The following TPO variants were observed in gnomAD, a reference collection of about 807,000 sequenced individuals.
TPO encodes the protein thyroid microsomal antigen.
A neutral mutation model predicts 96.9 loss-of-function variants in TPO; 78 were observed. The observed-to-expected ratio is 0.81, with a 90% confidence interval of 0.67 to 0.97. The LOEUF is 0.97. Among genes scored for constraint, TPO ranks in the 50% least tolerant of loss-of-function variants. The probability of loss-of-function intolerance (pLI) is 0.00; values close to 1 mark genes in which losing one functional copy is unlikely to be tolerated. For synonymous variants in TPO, 547 were observed against 538.0 expected, an observed-to-expected ratio of 1.02 and a Z score of -0.23; for missense variants, 1,252 against 1,274.8, an observed-to-expected ratio of 0.98 and a Z score of 0.27.
intron 7 of TPO, among the ~76,000 whole-genome samples, chr2:1,462,489 AG>A (rs1344857521): frequency 2.7e-5 from 4 of 150,466 alleles, no homozygotes; most frequent in South Asian, 2.1e-4. Flanking sequence ...GAAAATTACA[AG>A]AAAACCCAAA....
At chr2:1,493,368 T>G (rs1232169289) in intron 10 of TPO, among the ~76,000 whole-genome samples, 1 of 152,166 alleles carries the variant, frequency 6.6e-6, no homozygotes, top group Non-Finnish European at 1.5e-5. Context: ...GACTCAGCAT[T>G]CTTGCTGTCT....
intron 7 of TPO, among the ~76,000 whole-genome samples, chr2:1,475,128 C>G (rs1669773157): frequency 1.3e-5 from 2 of 152,198 alleles, no homozygotes; most frequent in Non-Finnish European, 2.9e-5. Context: ...TCTTAAGAGT[C>G]TCTTTGAATC....
At chr2:1,527,075 G>A (rs1329300860) in intron 15 of TPO, among the ~76,000 whole-genome samples, 1 of 101,850 alleles carries the variant, frequency 9.8e-6, no homozygotes, top group Admixed American at 1.4e-4. Context: ...CCCTCACTGT[G>A]TGCCACCTCC....
intron 1 of TPO, among the ~76,000 whole-genome samples, chr2:1,405,630 T>C (rs1436475720): frequency 6.6e-6 from 1 of 152,120 alleles, no homozygotes; most frequent in Non-Finnish European, 1.5e-5. Context: ...GCTTGTCAGG[T>C]GCCCTCTTCT....
intron 15 of TPO, among the ~76,000 whole-genome samples, chr2:1,519,951 A>C (rs1391734226): frequency 3.3e-5 from 5 of 152,166 alleles, no homozygotes; most frequent in Non-Finnish European, 5.9e-5. Flanking sequence ...GCTATAGTTG[A>C]TTTTAGACTC....
At chr2:1,509,706 C>A (rs982249625) in intron 14 of TPO, among the ~76,000 whole-genome samples, 1 of 150,744 alleles carries the variant, frequency 6.6e-6, no homozygotes, top group South Asian at 2.1e-4. Context: ...GGCACACCCC[C>A]CTTCTTCTGT....
intron 7 of TPO, among the ~76,000 whole-genome samples, chr2:1,462,517 A>AACACACACACACACAC (rs35553172): frequency 7.6e-6 from 1 of 131,586 alleles, no homozygotes; most frequent in African/African-American, 3.3e-5. Context: ...TGTGTAGGTA[A>AACACACACACACACAC]ACACACACAC....
intron 5 of TPO, among the ~76,000 whole-genome samples, chr2:1,452,838 T>C (rs1270764714): frequency 6.6e-6 from 1 of 152,244 alleles, no homozygotes; most frequent in Non-Finnish European, 1.5e-5. Flanking sequence ...CAAGTGACTG[T>C]TAATTGTGCC....
intron 2 of TPO, 29 bp from the exon 3 acceptor site, chr2:1,423,016 C>CTT: frequency 6.2e-7 from 1 of 1,609,740 alleles, no homozygotes; most frequent in Non-Finnish European, 8.5e-7. Flanking sequence ...TGTCATTGCG[C>CTT]TTTGACTGTG....
intron 1 of TPO, among the ~76,000 whole-genome samples, chr2:1,399,963 C>G (rs1047208889): frequency 6.6e-6 from 1 of 152,218 alleles, no homozygotes; most frequent in African/African-American, 2.4e-5. Flanking sequence ...AGCTGCCACC[C>G]ATGGCCGCCA....
At chr2:1,469,034 G>A (rs1049262717) in intron 7 of TPO, among the ~76,000 whole-genome samples, 2 of 152,162 alleles carry the variant, frequency 1.3e-5, no homozygotes, top group African/African-American at 4.8e-5. Context: ...TTCTCTGAGT[G>A]TGTCCAATGT....
At chr2:1,505,054 G>T (rs1446606328) in intron 14 of TPO, among the ~76,000 whole-genome samples, 1 of 152,206 alleles carries the variant, frequency 6.6e-6, no homozygotes, top group Non-Finnish European at 1.5e-5. Flanking sequence ...GATTCTTGCT[G>T]AAACTCAGCT....
chr2:1,461,017 T>C (rs1233110669), intron 7 of TPO, among the ~76,000 whole-genome samples: 4 of 152,138 alleles, frequency 2.6e-5, no homozygotes, highest in Admixed American at 6.5e-5. Flanking sequence ...GCGGCTGCTA[T>C]TGGGGTAATT....
intron 7 of TPO, among the ~76,000 whole-genome samples, chr2:1,458,261 TG>T (rs1457109526): frequency 1.3e-5 from 2 of 151,886 alleles, no homozygotes; most frequent in African/African-American, 4.9e-5. Context: ...AGATAGTGTG[TG>T]GGCACGTGTG....
At chr2:1,511,191 C>T (rs1384745416) in intron 14 of TPO, among the ~76,000 whole-genome samples, 4 of 150,914 alleles carry the variant, frequency 2.7e-5, no homozygotes, top group African/African-American at 9.7e-5. Flanking sequence ...ACTGGGGGTG[C>T]CACAGCACAG....
intron 14 of TPO, chr2:1,512,533 G>A (rs1020506685): frequency 1.2e-5 from 12 of 962,782 alleles, no homozygotes; most frequent in African/African-American, 5.3e-5. Context: ...TCCCTGCCCC[G>A]CTCCGCCCCT....
intron 15 of TPO, among the ~76,000 whole-genome samples, chr2:1,532,846 T>TC (rs1678632122): frequency 2.3e-5 from 1 of 44,336 alleles, no homozygotes; most frequent in Non-Finnish European, 3.7e-5. Context: ...TCTCCCCAAA[T>TC]CCCCCCCACT....
intron 5 of TPO, among the ~76,000 whole-genome samples, chr2:1,439,734 T>C (rs1164559533): frequency 6.6e-6 from 1 of 152,102 alleles, no homozygotes; most frequent in Non-Finnish European, 1.5e-5. Context: ...TGCTGAGTAA[T>C]GTCACCAGAC....
At chr2:1,490,817 T>A (rs1671708000) in intron 10 of TPO, among the ~76,000 whole-genome samples, 1 of 152,206 alleles carries the variant, frequency 6.6e-6, no homozygotes, top group South Asian at 2.1e-4. Context: ...TGATTTCCAC[T>A]ACGCCCTGAA....
Sources: allele counts gnomAD v4.1 joint callset (sites outside exome capture counted in the v4.1 genomes callset), GRCh38; gene constraint gnomAD v4.1.1; transcripts MANE v1.5; gene names NCBI Gene and HGNC (gene_info 2026-07-23, HGNC 2026-07-21).